BACH2: variants seen among roughly 807,000 people sequenced by gnomAD.
BACH2 encodes transcription regulator protein BACH2.
BACH2 carries 5 observed loss-of-function variants against 61.8 expected under a neutral mutation model. The observed-to-expected ratio is 0.08, with a 90% confidence interval of 0.04 to 0.17. BACH2 has a LOEUF of 0.17. Among genes scored for constraint, BACH2 ranks in the 10% least tolerant of loss-of-function variants. BACH2 has a pLI of 1.00. For missense variants in BACH2, 824 were observed against 1,091.1 expected (o/e 0.76, Z 3.45); for synonymous variants, 446 against 440.1 (o/e 1.01, Z -0.17).
chr6:89,970,562 G>A (rs867515533), intron 6 of BACH2, among the ~76,000 whole-genome samples: 1 of 152,218 alleles, frequency 6.6e-6, no homozygotes, highest in South Asian at 2.1e-4. Flanking sequence ...TATAATGTTT[G>A]TGTGTATGTG....
At position 90,296,581 on chromosome 6, in the gene BACH2, A is replaced by C. The variant is rs1461499010; in HGVS notation, c.-547T>G. 1 of 151,618 alleles carries C rather than the reference A, an allele frequency of 6.6e-6. No individual in the cohort carries two copies. The highest frequency in any genetic ancestry group is 2.4e-5 in the African/African-American group (1 of 41,430). 9.4% of individuals were successfully genotyped at this position (151,618 alleles called of 1,614,324 possible). A position where few individuals can be genotyped will look rare whatever the true frequency, so the allele number is the denominator to read the frequency against. ...CGGCGAGGTGGGCAGTTCGTGGGTC[A>C]CCGAAAGCTCGCGGAGGGGACGCGC... On this transcript the variant is annotated 5_prime_UTR_variant, in exon 1 of 9. It removes the in-frame stop codon of an upstream open reading frame in the 5' UTR. Coordinates refer to ENST00000257749, the MANE Select transcript of BACH2 (RefSeq NM_021813.4).
chr6:89,940,122 TG>T (rs924497794), intron 7 of BACH2, among the ~76,000 whole-genome samples: 17 of 152,148 alleles, frequency 1.1e-4, no homozygotes, highest in Non-Finnish European at 2.2e-4. Context: ...GCGATTCTCC[TG>T]CCTCACCTCC....
rs548254987 is a variant in BACH2, at chr6:90,220,817, T to C, written c.-274-14136A>G. Among the ~76,000 whole-genome samples the C allele has an allele frequency of 1.5e-4, 23 of 152,152 alleles. 1 individual carries two copies. In the South Asian group the frequency reaches 4.2e-3, roughly 27 times the overall value. On this transcript the variant is annotated intron_variant, in intron 3 of 8. Coordinates refer to ENST00000257749, the MANE Select transcript of BACH2 (RefSeq NM_021813.4). ...CATAGTTAATAAAAAGAAAGAAAAA[T>C]TAGCAATTTAAAACTTCAGTATTTT...
intron 3 of BACH2, among the ~76,000 whole-genome samples, chr6:90,231,552 G>C (rs1770095853): frequency 6.6e-6 from 1 of 152,166 alleles, no homozygotes; most frequent in South Asian, 2.1e-4. Context: ...GCAACTTTCT[G>C]ATGAGTTGTC....
At chr6:89,994,686 T>C (rs1340246308) in intron 6 of BACH2, among the ~76,000 whole-genome samples, 2 of 152,210 alleles carry the variant, frequency 1.3e-5, no homozygotes, top group African/African-American at 2.4e-5. Flanking sequence ...AGCAAAGCCA[T>C]ACTACAGAGT....
chr6:89,933,991 C>CA (rs35459545), intron 8 of BACH2, among the ~76,000 whole-genome samples: 29,183 of 149,836 alleles, frequency 0.19, 3,042 homozygotes, highest in Non-Finnish European at 0.24. Flanking sequence ...CTCCCCGCAC[C>CA]AAAAAAAAGT....
chr6:89,975,047 G>A (rs909802364), intron 6 of BACH2, among the ~76,000 whole-genome samples: 2 of 152,128 alleles, frequency 1.3e-5, no homozygotes, highest in African/African-American at 4.8e-5. Flanking sequence ...TAGCGAGCCA[G>A]GATGAATTTA....
At chr6:90,132,655 C>T (rs1048493581) in intron 4 of BACH2, among the ~76,000 whole-genome samples, 2 of 152,234 alleles carry the variant, frequency 1.3e-5, no homozygotes, top group African/African-American at 4.8e-5. Flanking sequence ...GAACCTCTCA[C>T]TGGTCTTCCA....
intron 2 of BACH2, among the ~76,000 whole-genome samples, chr6:90,256,078 T>C (rs997472940): frequency 6.6e-6 from 1 of 152,170 alleles, no homozygotes; most frequent in African/African-American, 2.4e-5. Flanking sequence ...TCTCAGCAAC[T>C]TCACCAGTGA....
chr6:90,194,963 T>A (rs931490669), intron 4 of BACH2, among the ~76,000 whole-genome samples: 2 of 152,334 alleles, frequency 1.3e-5, no homozygotes, highest in Admixed American at 6.5e-5. Context: ...AAATGCCCTT[T>A]TTCTTGATGA....
chr6:90,172,461 T>C (rs1387606534), intron 4 of BACH2, among the ~76,000 whole-genome samples: 4 of 151,988 alleles, frequency 2.6e-5, no homozygotes, highest in Non-Finnish European at 5.9e-5. Flanking sequence ...TTTTCAGAAC[T>C]AGTAATCATC....
intron 4 of BACH2, among the ~76,000 whole-genome samples, chr6:90,125,154 C>T (rs532457038): frequency 3.5e-4 from 52 of 150,596 alleles, no homozygotes; most frequent in East Asian, 1.2e-3. Flanking sequence ...TGAAAAGACA[C>T]GGAGAAGAAA....
chr6:90,163,699 TTGG>T (rs1767491183), intron 4 of BACH2, among the ~76,000 whole-genome samples: 1 of 152,206 alleles, frequency 6.6e-6, no homozygotes, highest in Non-Finnish European at 1.5e-5. Context: ...TCAGGATACT[TTGG>T]GAATGAGGCG....
chr6:89,942,514 C>A (rs1171609804), intron 7 of BACH2, among the ~76,000 whole-genome samples: 1 of 152,190 alleles, frequency 6.6e-6, no homozygotes, highest in Non-Finnish European at 1.5e-5. Context: ...ACTTGCTCCT[C>A]CAGGATCTCA....
chr6:90,019,212 G>A (rs2127784336), intron 5 of BACH2, among the ~76,000 whole-genome samples: 1 of 152,264 alleles, frequency 6.6e-6, no homozygotes, highest in East Asian at 1.9e-4. Flanking sequence ...TTCATAAAAA[G>A]TAGGAGATTT....
intron 4 of BACH2, among the ~76,000 whole-genome samples, chr6:90,092,401 C>A: frequency 6.6e-6 from 1 of 150,554 alleles, no homozygotes; most frequent in East Asian, 2.0e-4. Flanking sequence ...ACACCGCAAG[C>A]TAAAAGCAAG....
chr6:90,184,353 T>G (rs944916984), intron 4 of BACH2, among the ~76,000 whole-genome samples: 3 of 152,164 alleles, frequency 2.0e-5, no homozygotes, highest in African/African-American at 4.8e-5. Flanking sequence ...GGAAGACTGA[T>G]GAAAGAGAGT....
chr6:90,172,836 T>C (rs1767862276), intron 4 of BACH2, among the ~76,000 whole-genome samples: 1 of 151,526 alleles, frequency 6.6e-6, no homozygotes. Flanking sequence ...TTAAATAGAG[T>C]ATAAAAAACA....
intron 3 of BACH2, among the ~76,000 whole-genome samples, chr6:90,238,871 T>C (rs1770342338): frequency 6.6e-6 from 1 of 152,196 alleles, no homozygotes; most frequent in South Asian, 2.1e-4. Context: ...GTGGAGCTCA[T>C]CTAGTGTCTC....
Sources: allele counts gnomAD v4.1 joint callset (sites outside exome capture counted in the v4.1 genomes callset), GRCh38; gene constraint gnomAD v4.1.1; transcripts MANE v1.5; gene names NCBI Gene and HGNC (gene_info 2026-07-23, HGNC 2026-07-21).